FIG4: variants seen among roughly 807,000 people sequenced by gnomAD.
FIG4 encodes FIG4 phosphoinositide 5-phosphatase, also known as polyphosphoinositide phosphatase.
Under a neutral mutation model 118.6 loss-of-function variants are expected in FIG4, and 112 were observed. The observed-to-expected ratio is 0.94, with a 90% CI of 0.81 to 1.11. The LOEUF (loss-of-function observed/expected upper bound fraction) is 1.11, where lower values mean the gene tolerates loss of function less well. FIG4 is among the 50% of genes least tolerant of loss of function. FIG4 has a pLI of 0.00. For synonymous variants in FIG4, 369 were observed against 381.2 expected, an observed-to-expected ratio of 0.97 and a Z score of 0.37; for missense variants, 969 against 1,111.7, an observed-to-expected ratio of 0.87 and a Z score of 1.83.
chr6:109,795,964 A>G (rs1778276096), intron 21 of FIG4, among the ~76,000 whole-genome samples: 1 of 152,084 alleles, frequency 6.6e-6, no homozygotes, highest in Non-Finnish European at 1.5e-5. Context: ...AAAACTACAA[A>G]ACCGTATCCT....
chr6:109,786,997 A>G (rs1777983280), intron 18 of FIG4, among the ~76,000 whole-genome samples: 1 of 152,134 alleles, frequency 6.6e-6, no homozygotes, highest in South Asian at 2.1e-4. Context: ...TACTATTATT[A>G]TTAGTCATAG....
chr6:109,732,177 A>AT (rs1776020868), intron 4 of FIG4, among the ~76,000 whole-genome samples: 1 of 152,248 alleles, frequency 6.6e-6, no homozygotes, highest in Admixed American at 6.5e-5. Flanking sequence ...GTGAACACTT[A>AT]TTAATCATGA....
chr6:109,697,772 A>G (rs1014071437), intron 1 of FIG4, among the ~76,000 whole-genome samples: 12 of 152,206 alleles, frequency 7.9e-5, no homozygotes, highest in South Asian at 2.1e-4. Flanking sequence ...CTGTACCTCA[A>G]TTGTCCCATA....
intron 15 of FIG4, among the ~76,000 whole-genome samples, chr6:109,767,557 A>T (rs761865163): frequency 1.1e-4 from 16 of 152,186 alleles, no homozygotes; most frequent in Non-Finnish European, 2.1e-4. Context: ...AAGTTTACAT[A>T]ATATGGAGAA....
At chr6:109,695,870 A>G (rs1774703942) in intron 1 of FIG4, among the ~76,000 whole-genome samples, 1 of 152,228 alleles carries the variant, frequency 6.6e-6, no homozygotes, top group African/African-American at 2.4e-5. Context: ...TCAAGTGGAA[A>G]GTTTGCTCAA....
intron 10 of FIG4, among the ~76,000 whole-genome samples, chr6:109,744,062 T>A (rs962887489): frequency 3.9e-5 from 6 of 152,084 alleles, no homozygotes; most frequent in African/African-American, 1.4e-4. Flanking sequence ...GTGAATTAGA[T>A]ATAGGTCAAA....
intron 22 of FIG4, among the ~76,000 whole-genome samples, chr6:109,813,029 CATATGAAATCACCA>C (rs1421987109): frequency 2.0e-5 from 3 of 152,130 alleles, no homozygotes; most frequent in Admixed American, 2.0e-4. Flanking sequence ...TAAATGGAAC[CATATGAAATCACCA>C]ATATTTACAC....
At chr6:109,731,639 G>A (rs1169641885) in intron 4 of FIG4, among the ~76,000 whole-genome samples, 1 of 152,086 alleles carries the variant, frequency 6.6e-6, no homozygotes, top group Non-Finnish European at 1.5e-5. Context: ...GAATTACGTA[G>A]CATTTACATT....
intron 15 of FIG4, among the ~76,000 whole-genome samples, chr6:109,775,407 C>T (rs1419463000): frequency 6.6e-6 from 1 of 152,124 alleles, no homozygotes. Context: ...TTTCTCACAT[C>T]TTACATTTTA....
chr6:109,713,259 G>T (rs1437832293), intron 1 of FIG4, among the ~76,000 whole-genome samples: 1 of 152,230 alleles, frequency 6.6e-6, no homozygotes, highest in Non-Finnish European at 1.5e-5. Flanking sequence ...ATGCCAGCAG[G>T]TGCCTGCCTC....
chr6:109,804,218 C>T (rs1470031777), intron 22 of FIG4, among the ~76,000 whole-genome samples: 4 of 152,106 alleles, frequency 2.6e-5, no homozygotes, highest in Admixed American at 2.6e-4. Context: ...GCTCTGTATA[C>T]AAGAACCACA....
intron 22 of FIG4, among the ~76,000 whole-genome samples, chr6:109,808,629 T>C (rs1433912707): frequency 6.6e-6 from 1 of 152,190 alleles, no homozygotes; most frequent in Non-Finnish European, 1.5e-5. Context: ...AATTGCTTTT[T>C]TCACCAAACA....
rs984088658 is a variant in FIG4, at chr6:109,700,320, A to G, written c.66+8819A>G. 8.5e-5 allele frequency among the ~76,000 whole-genome samples: 13 copies of G among 152,340 alleles called. No homozygotes were observed. In the South Asian group the frequency reaches 1.9e-3, roughly 22 times the overall value. On this transcript the variant is annotated intron_variant, in intron 1 of 22. Transcript: ENST00000230124. ...TAGTAGCCTGAACAACAGATAAAGCAGTATATCCTTACATGCAAAAATATC... is the reference window on the plus strand; with the variant it reads ...TAGTAGCCTGAACAACAGATAAAGCGGTATATCCTTACATGCAAAAATATC...
intron 12 of FIG4, among the ~76,000 whole-genome samples, chr6:109,762,461 G>A (rs1444594918): frequency 6.6e-6 from 1 of 151,584 alleles, no homozygotes; most frequent in Non-Finnish European, 1.5e-5. Flanking sequence ...AAATATTTCT[G>A]TAAGTAAAAT....
In FIG4 at chr6:109,741,654, T is replaced by C. The variant is rs996528820; in HGVS notation, c.876+110T>C. The C allele has an allele frequency of 5.0e-6, 4 of 797,328 alleles. No individual in the cohort carries two copies. In the African/African-American group the frequency reaches 5.1e-5, roughly 10 times the overall value. 49.4% of individuals were successfully genotyped at this position (797,328 alleles called of 1,614,324 possible). On this transcript the variant is annotated intron_variant, in intron 8 of 22. Transcript: ENST00000230124. ...AGTGGTATTTCTTAGTTTGGGATAT[T>C]ATCAAGAGAATACAGTTGCCTTTTA... is the stretch of plus-strand genomic sequence containing the variant.
chr6:109,756,450 G>A (rs977055824), intron 10 of FIG4, among the ~76,000 whole-genome samples: 2 of 151,840 alleles, frequency 1.3e-5, no homozygotes, highest in Non-Finnish European at 2.9e-5. Context: ...TCTTTGTGGT[G>A]TTCTCTGTAT....
intron 1 of FIG4, among the ~76,000 whole-genome samples, chr6:109,699,841 G>A (rs150157870): frequency 5.3e-5 from 8 of 152,170 alleles, no homozygotes; most frequent in Admixed American, 2.0e-4. Context: ...GTCTTATTCC[G>A]TTCAGGCTGC....
intron 10 of FIG4, among the ~76,000 whole-genome samples, chr6:109,752,300 C>T (rs1343384437): frequency 2.6e-5 from 4 of 151,176 alleles, no homozygotes; most frequent in Admixed American, 2.0e-4. Context: ...AATAAACATA[C>T]GTGTGCATGT....
intron 21 of FIG4, among the ~76,000 whole-genome samples, chr6:109,796,411 A>G (rs1423202849): frequency 6.6e-6 from 1 of 152,030 alleles, no homozygotes; most frequent in Non-Finnish European, 1.5e-5. Flanking sequence ...CGCATTAGAT[A>G]TTTGTCACCC....
Sources: gnomAD v4.1 joint callset for allele counts (sites outside exome capture counted in the v4.1 genomes callset) on GRCh38, gnomAD v4.1.1 for gene constraint, MANE v1.5 for transcripts, NCBI Gene and HGNC (gene_info 2026-07-23, HGNC 2026-07-21) for gene names.